The following ESRRB variants were observed in gnomAD, a reference collection of about 807,000 sequenced individuals.
The protein encoded by ESRRB is estrogen related receptor beta.
A neutral mutation model predicts 46.0 loss-of-function variants in ESRRB; 16 were observed. The ratio of observed to expected loss-of-function variants is 0.35; its 90% confidence interval spans 0.24 to 0.53. ESRRB has a LOEUF of 0.53. Ranked by LOEUF, ESRRB falls within the 20% of genes least tolerant of loss-of-function variation. ESRRB has a pLI of 0.93. For synonymous variants in ESRRB, 246 were observed against 259.6 expected, an observed-to-expected ratio of 0.95 and a Z score of 0.50; for missense variants, 488 against 607.4, an observed-to-expected ratio of 0.80 and a Z score of 2.07.
intron 5 of ESRRB, among the ~76,000 whole-genome samples, chr14:76,490,738 T>C (rs1360008694): frequency 6.6e-6 from 1 of 152,262 alleles, no homozygotes; most frequent in East Asian, 1.9e-4. Flanking sequence ...GGAACTAGCA[T>C]GATTCCAAGC....
At chr14:76,479,910 C>T (rs1889737643) in intron 3 of ESRRB, among the ~76,000 whole-genome samples, 1 of 152,198 alleles carries the variant, frequency 6.6e-6, no homozygotes, top group African/African-American at 2.4e-5. Flanking sequence ...CTCTGTTACT[C>T]AGGCTGGAGT....
chr14:76,333,835 C>A (rs1373390436), intron 1 of ESRRB, among the ~76,000 whole-genome samples: 1 of 151,980 alleles, frequency 6.6e-6, no homozygotes, highest in Non-Finnish European at 1.5e-5. Flanking sequence ...AGACTGGCTG[C>A]ATTTCACGTG....
intron 1 of ESRRB, among the ~76,000 whole-genome samples, chr14:76,389,567 G>A (rs1885383274): frequency 6.6e-6 from 1 of 152,214 alleles, no homozygotes; most frequent in African/African-American, 2.4e-5. Flanking sequence ...AGCCATGGAG[G>A]CAGCTCTGGC....
rs142648180 is a variant in ESRRB at position 76,380,181 on chromosome 14, C to G, written c.50+3730C>G. Among the ~76,000 whole-genome samples, 27 of 152,296 alleles carry G rather than the reference C, an allele frequency of 1.8e-4. No individual in the cohort carries two copies. In the East Asian group the frequency reaches 5.0e-3, roughly 28 times the overall value. ...CTAAACTCATTGAGAAAGTTTGTCC[C>G]CTTCCTCAGCCCTCTGCTGAATGCC... On this transcript the variant is annotated intron_variant, in intron 1 of 6. Transcript: ENST00000644823.
intron 1 of ESRRB, among the ~76,000 whole-genome samples, chr14:76,389,472 C>A (rs1735986268): frequency 6.6e-6 from 1 of 152,110 alleles, no homozygotes; most frequent in African/African-American, 2.4e-5. Flanking sequence ...TAAAGGGGAG[C>A]CCTTGGGGGA....
At position 76,485,669 on chromosome 14, in the gene ESRRB, G is replaced by A. The variant is rs865980258; in HGVS notation, c.850+2910G>A. Among the ~76,000 whole-genome samples the A allele has an allele frequency of 6.0e-5, 9 of 149,544 alleles. No individual in the cohort carries two copies. The South Asian group carries it at 1.7e-3, about 28-fold the overall frequency. On this transcript the variant is annotated intron_variant, in intron 5 of 6. Transcript: ENST00000644823. Reference sequence around the variant, plus strand: ...AGAGAGAGAGAGAGAGAAAGAAAGAGAGAGAGAGAGAGAGCTGGTTGAGTA... The same window carrying A: ...AGAGAGAGAGAGAGAGAAAGAAAGAAAGAGAGAGAGAGAGCTGGTTGAGTA...
At chr14:76,447,269 C>CCTTT (rs1437215427) in intron 2 of ESRRB, among the ~76,000 whole-genome samples, 1 of 121,428 alleles carries the variant, frequency 8.2e-6, no homozygotes, top group Admixed American at 7.3e-5. Flanking sequence ...TTCCTTCCTT[C>CCTTT]CTTCCTTCCT....
intron 2 of ESRRB, among the ~76,000 whole-genome samples, chr14:76,440,425 C>T (rs755789485): frequency 3.3e-5 from 5 of 152,054 alleles, no homozygotes; most frequent in African/African-American, 7.2e-5. Flanking sequence ...AGAGCAAGAC[C>T]CTGTCTCAAA....
chr14:76,392,249 A>G (rs1054458509), intron 1 of ESRRB, among the ~76,000 whole-genome samples: 2 of 152,152 alleles, frequency 1.3e-5, no homozygotes, highest in African/African-American at 2.4e-5. Flanking sequence ...GGGTATGAGT[A>G]AGCCAGCAGC....
At chr14:76,383,396 A>G (rs942946628) in intron 1 of ESRRB, among the ~76,000 whole-genome samples, 1 of 152,006 alleles carries the variant, frequency 6.6e-6, no homozygotes, top group Admixed American at 6.6e-5. Flanking sequence ...ATGCCTGATA[A>G]AGGGTCTTTG....
intron 1 of ESRRB, among the ~76,000 whole-genome samples, chr14:76,333,520 G>A (rs2139743155): frequency 7.2e-6 from 1 of 138,122 alleles, no homozygotes; most frequent in African/African-American, 2.9e-5. Context: ...TGGAGACAAA[G>A]TTTCGCTGTG....
At chr14:76,400,096 G>A (rs1043641019) in intron 1 of ESRRB, among the ~76,000 whole-genome samples, 1 of 152,220 alleles carries the variant, frequency 6.6e-6, no homozygotes, top group African/African-American at 2.4e-5. Context: ...GAGCTTGCAA[G>A]AGTCTAGCTG....
intron 1 of ESRRB, among the ~76,000 whole-genome samples, chr14:76,438,937 C>G (rs566279255): frequency 1.3e-5 from 2 of 151,576 alleles, no homozygotes; most frequent in Non-Finnish European, 2.9e-5. Flanking sequence ...GTAGCTGGGA[C>G]TACAGGCATA....
chr14:76,388,819 C>T (rs939868158), intron 1 of ESRRB, among the ~76,000 whole-genome samples: 6 of 152,250 alleles, frequency 3.9e-5, no homozygotes, highest in East Asian at 1.9e-4. Context: ...ATTTTGAAGC[C>T]GACTTCCCTC....
intron 1 of ESRRB, among the ~76,000 whole-genome samples, chr14:76,420,589 G>A (rs1053854820): frequency 2.4e-4 from 36 of 147,570 alleles, no homozygotes; most frequent in Non-Finnish European, 3.2e-4. Flanking sequence ...GTGTGTGTGT[G>A]TGTGTTTGTG....
chr14:76,438,277 G>A (rs374053856), intron 1 of ESRRB, among the ~76,000 whole-genome samples: 5 of 152,222 alleles, frequency 3.3e-5, no homozygotes, highest in East Asian at 1.9e-4. Flanking sequence ...CTCTGGTTCC[G>A]ATCTTAGTGA....
chr14:76,447,488 A>G (rs1387826012), intron 2 of ESRRB, among the ~76,000 whole-genome samples: 1 of 152,068 alleles, frequency 6.6e-6, no homozygotes, highest in East Asian at 1.9e-4. Context: ...TGCTAATTCC[A>G]TAGGTCTTGC....
intron 1 of ESRRB, among the ~76,000 whole-genome samples, chr14:76,407,026 A>C (rs1886217884): frequency 6.6e-6 from 1 of 152,206 alleles, no homozygotes. Context: ...CAAATGAATA[A>C]ATGAATCTTG....
intron 1 of ESRRB, among the ~76,000 whole-genome samples, chr14:76,432,828 C>G (rs1051780927): frequency 1.6e-5 from 2 of 128,256 alleles, no homozygotes; most frequent in Non-Finnish European, 3.2e-5. Flanking sequence ...GCGCATGCCA[C>G]CATACCCAGC....
Sources: gnomAD v4.1 joint callset for allele counts (sites outside exome capture counted in the v4.1 genomes callset) on GRCh38, gnomAD v4.1.1 for gene constraint, MANE v1.5 for transcripts, NCBI Gene and HGNC (gene_info 2026-07-23, HGNC 2026-07-21) for gene names.